The following SGSM3 variants were observed in gnomAD, a reference collection of about 807,000 sequenced individuals.
SGSM3 encodes the protein small G protein signaling modulator 3.
Under a neutral mutation model 100.5 loss-of-function variants are expected in SGSM3, and 96 were observed. That is an observed-to-expected ratio of 0.96 (90% CI 0.81 to 1.13). SGSM3 has a LOEUF of 1.13. Among genes scored for constraint, SGSM3 ranks in the 50% most tolerant of loss-of-function variants. The pLI is 0.00. For missense variants in SGSM3, 1,001 were observed against 1,015.8 expected, an observed-to-expected ratio of 0.99 and a Z score of 0.20; for synonymous variants, 483 against 422.8, an observed-to-expected ratio of 1.14 and a Z score of -1.75.
intron 1 of SGSM3, chr22:40,379,596 A>C (rs2047224158): frequency 6.6e-6 from 1 of 152,268 alleles, no homozygotes; most frequent in South Asian, 2.1e-4. Flanking sequence ...CTGCTGCAGC[A>C]TATGCATATC....
chr22:40,398,145 T>G (rs1470925369), intron 1 of SGSM3, among the ~76,000 whole-genome samples: 1 of 151,918 alleles, frequency 6.6e-6, no homozygotes, highest in East Asian at 1.9e-4. Flanking sequence ...TTTTTGTATT[T>G]TTAGTAGGAC....
In SGSM3 at chr22:40,405,700, A is replaced by T. The variant is rs769690592; in HGVS notation, c.670A>T (p.Met224Leu). The change falls in exon 8 of 22, where the codon ATG (methionine) becomes TTG (leucine). Residue 224 changes from methionine to leucine, a missense_variant. Coordinates refer to ENST00000248929, the MANE Select transcript of SGSM3 (RefSeq NM_015705.6). ...GGAGGAGGAGGACGCCTTCTGGATG[A>T]TGTCTGCCATCATCGAGGACCTGCT... ...FLEEEDAFWM[M>L]SAIIEDLLPA... is the part of the protein sequence containing the mutation. The T allele has an allele frequency of 1.9e-6, 3 of 1,613,468 alleles. No homozygotes were observed. The African/African-American group carries it at 4.0e-5, about 22-fold the overall frequency.
rs908468545 is a variant in SGSM3 at position 40,372,116 on chromosome 22, C to G, written c.-112+1428C>G. Among the ~76,000 whole-genome samples the G allele has an allele frequency of 1.8e-4, 21 of 118,428 alleles. 1 individual carries two copies. In the Admixed American group the frequency reaches 1.8e-3, roughly 10 times the overall value. 77.7% of individuals were successfully genotyped at this position (118,428 alleles called of 152,430 possible). ...GAGCTTTAGTTCTTCTCCCTGTCCC[C>G]CCCCCCTTTTTTTTTTTTTTTTTTT... On this transcript the variant is annotated intron_variant, in intron 1 of 21. Coordinates refer to ENST00000248929, the MANE Select transcript of SGSM3 (RefSeq NM_015705.6).
At chr22:40,381,619 C>T (rs2047597211) in intron 1 of SGSM3, among the ~76,000 whole-genome samples, 1 of 152,150 alleles carries the variant, frequency 6.6e-6, no homozygotes, top group African/African-American at 2.4e-5. Context: ...CTTTATTACT[C>T]CCCAACATGT....
rs1199398193 is a variant in SGSM3 at position 40,407,663 on chromosome 22, G to A, written c.1524+95G>A. ...CCACCCCAACCCCTTTCCCTGCCAAGAGCTTCTCTTGTGAAGATGTAGGGG... is the reference window on the plus strand; with the variant it reads ...CCACCCCAACCCCTTTCCCTGCCAAAAGCTTCTCTTGTGAAGATGTAGGGG... On this transcript the variant is annotated intron_variant, in intron 13 of 21. Coordinates refer to ENST00000248929, the MANE Select transcript of SGSM3 (RefSeq NM_015705.6). This position sits in a 1 kb window ranked among gnomAD's most constrained non-coding sequence, Gnocchi z 4.7. 1.3e-6 allele frequency: 2 copies of A among 1,582,672 alleles called. No homozygotes were observed. The highest frequency in any genetic ancestry group is 1.1e-5 in the South Asian group (1 of 89,634).
chr22:40,406,305 C>A, intron 9 of SGSM3, 82 bp downstream of exon 9: 1 of 1,570,312 alleles, frequency 6.4e-7, no homozygotes. Context: ...CTGGGCCAGG[C>A]AAGACCAGCC....
chr22:40,377,480 G>T (rs1373607868), intron 1 of SGSM3, among the ~76,000 whole-genome samples: 1 of 152,144 alleles, frequency 6.6e-6, no homozygotes, highest in Non-Finnish European at 1.5e-5. Context: ...CCCAAAGTCA[G>T]TTTTGGTGGC....
intron 1 of SGSM3, among the ~76,000 whole-genome samples, chr22:40,400,170 G>A (rs1244624455): frequency 6.6e-6 from 1 of 152,176 alleles, no homozygotes; most frequent in Non-Finnish European, 1.5e-5. Flanking sequence ...TGTCATTTCT[G>A]AATTCTCATT....
Position 40,409,945 on chromosome 22 carries a change from AGGGT to A in SGSM3, c.*187_*190del, listed in dbSNP as rs776278512. 288 of 1,398,416 alleles carry A rather than the reference AGGGT, an allele frequency of 2.1e-4. 2 individuals are homozygous for A. Among genetic ancestry groups the A allele is most frequent in the Non-Finnish European group, 2.5e-4 (274 of 1,083,140 alleles). 86.6% of individuals were successfully genotyped at this position (1,398,416 alleles called of 1,614,324 possible). A position where few individuals can be genotyped will look rare whatever the true frequency, so the allele number is the denominator to read the frequency against. ...GGAGCAGAGGGTACCCTGCCCCACC[AGGGT>A]CCTTAGGGATGCTCTAGGCCAAACC... On this transcript the variant is annotated 3_prime_UTR_variant, in exon 22 of 22. Transcript: ENST00000248929.
Position 40,407,849 on chromosome 22 carries a change from G to GTCC in SGSM3, c.1579+8_1579+10dup. 1 of 1,609,820 alleles carries GTCC rather than the reference G, an allele frequency of 6.2e-7. No individual in the cohort carries two copies. The highest frequency in any genetic ancestry group is 1.7e-4 in the Middle Eastern group (1 of 6,046). On this transcript the variant is annotated splice_region_variant and intron_variant, in intron 14 of 21. Transcript: ENST00000248929. The surrounding 1 kb of genome is among the most constrained non-coding windows in gnomAD (Gnocchi z 4.7). ...GGAGCTCAACGGCCTGCGAGGTGGG[G>GTCC]TCCTTGGTCTGCTCTTGAGCTGGGA...
In SGSM3 at chr22:40,406,551, C is replaced by T. The variant is rs757913776; in HGVS notation, c.1074C>T (p.Ala358=). ...TTCTGGGGGTGGCCATGCGGCTGGCCGGCTCCCTCACCGATGTGGCCGTGG... is the reference window on the plus strand; with the variant it reads ...TTCTGGGGGTGGCCATGCGGCTGGCTGGCTCCCTCACCGATGTGGCCGTGG... ...ELLLGVAMRL[A]GSLTDVAVET... The change falls in exon 10 of 22, where the codon GCC becomes GCT. Residue 358 remains alanine, a synonymous_variant. Coordinates refer to ENST00000248929, the MANE Select transcript of SGSM3 (RefSeq NM_015705.6). 2.2e-5 allele frequency: 35 copies of T among 1,612,764 alleles called. No homozygotes were observed. The highest frequency in any genetic ancestry group is 2.2e-4 in the Admixed American group (13 of 59,970).
intron 1 of SGSM3, among the ~76,000 whole-genome samples, chr22:40,376,004 C>T (rs949441788): frequency 6.6e-6 from 1 of 150,798 alleles, no homozygotes; most frequent in African/African-American, 2.4e-5. Flanking sequence ...TCACACCACA[C>T]ACCACACACT....
Position 40,404,541 on chromosome 22 carries a change from G to A in SGSM3, c.367-16G>A, listed in dbSNP as rs921343351. The A allele has an allele frequency of 2.5e-6, 4 of 1,612,498 alleles. No homozygotes were observed. The highest frequency in any genetic ancestry group is 4.5e-5 in the East Asian group (2 of 44,814). On this transcript the variant is annotated splice_polypyrimidine_tract_variant and intron_variant, in intron 5 of 21. Transcript: ENST00000248929. ...CACGAGAAAGACTGAGTGCCCTTGC[G>A]GCTCCCTTCCCTCAGCTGTGGATGC...
intron 1 of SGSM3, among the ~76,000 whole-genome samples, chr22:40,396,189 G>A (rs1481550568): frequency 6.6e-6 from 1 of 151,872 alleles, no homozygotes; most frequent in Non-Finnish European, 1.5e-5. Context: ...GGACTTTCCC[G>A]GCTTTGTGCT....
At position 40,400,737 on chromosome 22, in the gene SGSM3, A is replaced by G; in HGVS notation, c.-70A>G. The stretch of plus-strand genomic sequence containing the variant: ...CCAGATGAAGCCTGAGGAGCCTTCC[A>G]GCTCTAAGATAGCAGGATAGGAGAC... On this transcript the variant is annotated 5_prime_UTR_variant, in exon 2 of 22. Transcript: ENST00000248929. The G allele has an allele frequency of 6.7e-7, 1 of 1,485,766 alleles. No individual in the cohort carries two copies. The highest frequency in any genetic ancestry group is 9.2e-7 in the Non-Finnish European group (1 of 1,087,190). 92.0% of individuals were successfully genotyped at this position (1,485,766 alleles called of 1,614,324 possible).
chr22:40,405,915 T>G (rs981042444), intron 8 of SGSM3, 71 bp downstream of exon 8: 2 of 1,513,708 alleles, frequency 1.3e-6, no homozygotes, highest in Non-Finnish European at 9.0e-7. Flanking sequence ...CGAGTGGGGA[T>G]AGGGCACAGC....
In SGSM3 at chr22:40,406,498, C is replaced by T; in HGVS notation, c.1021C>T (p.Pro341Ser). The change falls in exon 10 of 22, where the codon CCG (proline) becomes TCG (serine). Residue 341 changes from proline to serine, a missense_variant. Coordinates refer to ENST00000248929, the MANE Select transcript of SGSM3 (RefSeq NM_015705.6). ...CATCTTCAACACGCTATCGGATATC[C>T]CGTCGCAGATGGAGGACGCGGAGCT... Reference protein sequence around the residue: ...ASIFNTLSDIPSQMEDAELLL... With the variant: ...ASIFNTLSDISSQMEDAELLL... 6.2e-7 allele frequency: 1 copy of T among 1,611,384 alleles called. No homozygotes were observed. The highest frequency in any genetic ancestry group is 1.1e-5 in the South Asian group (1 of 90,922).
chr22:40,409,412 G>A (rs1310248978), intron 20 of SGSM3, 40 bp downstream of exon 20: 1 of 1,574,504 alleles, frequency 6.4e-7, no homozygotes, highest in Non-Finnish European at 8.6e-7. Context: ...AGGTGGGGTG[G>A]GAAGGGCTAG....
chr22:40,396,939 A>G (rs1343635307), intron 1 of SGSM3, among the ~76,000 whole-genome samples: 1 of 152,198 alleles, frequency 6.6e-6, no homozygotes, highest in African/African-American at 2.4e-5. Context: ...ATGTACATTT[A>G]ATTTTGAAAA....
Sources: allele counts gnomAD v4.1 joint callset (sites outside exome capture counted in the v4.1 genomes callset), GRCh38; gene constraint gnomAD v4.1.1; non-coding constraint Gnocchi (gnomAD v3.1); transcripts MANE v1.5; gene names NCBI Gene and HGNC (gene_info 2026-07-23, HGNC 2026-07-21).